The following DIS3L2 variants were observed in gnomAD, a reference collection of about 807,000 sequenced individuals.
DIS3L2 encodes the protein DIS3 like 3'-5' exoribonuclease 2, also known as DIS3-like exonuclease 2.
A neutral mutation model predicts 97.5 loss-of-function variants in DIS3L2; 34 were observed. The observed-to-expected ratio is 0.35, with a 90% confidence interval of 0.27 to 0.46. The LOEUF (loss-of-function observed/expected upper bound fraction) is 0.46. Among genes scored for constraint, DIS3L2 ranks in the 20% least tolerant of loss-of-function variants. DIS3L2 has a pLI of 1.00. For missense variants in DIS3L2, 1,038 were observed against 1,146.0 expected, an observed-to-expected ratio of 0.91 and a Z score of 1.36; for synonymous variants, 435 against 445.2, an observed-to-expected ratio of 0.98 and a Z score of 0.29.
Position 232,292,471 on chromosome 2 carries a change from A to G in DIS3L2, c.1660-7569A>G, listed in dbSNP as rs1694628604. 6.6e-6 allele frequency among the ~76,000 whole-genome samples: 1 copy of G among 152,198 alleles called. No homozygotes were observed. Among genetic ancestry groups the G allele is most frequent in the Non-Finnish European group, 1.5e-5 (1 of 68,030 alleles). ...GCCTCTCAAAGGCCCAACAACCCCA[A>G]CAGGGCCTGCATCCCATGTTCCCAC... On this transcript the variant is annotated intron_variant, in intron 13 of 20. Transcript: ENST00000325385. This position sits in a 1 kb window ranked among gnomAD's most constrained non-coding sequence, Gnocchi z 4.4.
chr2:232,003,029 A>G (rs1440586382), intron 1 of DIS3L2, among the ~76,000 whole-genome samples: 1 of 152,190 alleles, frequency 6.6e-6, no homozygotes, highest in Non-Finnish European at 1.5e-5. Flanking sequence ...TCATCAGGTT[A>G]TGGTCAAATT....
At chr2:232,002,106 C>G (rs569640436) in intron 1 of DIS3L2, among the ~76,000 whole-genome samples, 1 of 152,278 alleles carries the variant, frequency 6.6e-6, no homozygotes, top group Non-Finnish European at 1.5e-5. Flanking sequence ...ATCCGGTTCT[C>G]TCGGTACCAT....
chr2:232,319,164 T>G (rs1487598754), intron 14 of DIS3L2, among the ~76,000 whole-genome samples: 1 of 151,910 alleles, frequency 6.6e-6, no homozygotes. Context: ...CAAGACACTG[T>G]GGTGGTTGAG....
chr2:232,047,875 T>C (rs1482282503), intron 5 of DIS3L2, among the ~76,000 whole-genome samples: 1 of 152,232 alleles, frequency 6.6e-6, no homozygotes, highest in Non-Finnish European at 1.5e-5. Context: ...TTCAGAGTTC[T>C]TCCACGTTGT....
intron 5 of DIS3L2, among the ~76,000 whole-genome samples, chr2:232,086,333 G>C (rs1374905555): frequency 7.0e-6 from 1 of 143,450 alleles, no homozygotes; most frequent in Non-Finnish European, 1.5e-5. Context: ...ATATGCATAT[G>C]TATATATACA....
At chr2:232,030,815 A>G (rs1166585564) in intron 5 of DIS3L2, among the ~76,000 whole-genome samples, 1 of 152,010 alleles carries the variant, frequency 6.6e-6, no homozygotes, top group African/African-American at 2.4e-5. Flanking sequence ...TTTTTGTTTT[A>G]TTTATTTGAA....
At chr2:232,008,032 G>T (rs1001797645) in intron 1 of DIS3L2, among the ~76,000 whole-genome samples, 2 of 151,632 alleles carry the variant, frequency 1.3e-5, no homozygotes, top group Non-Finnish European at 2.9e-5. Flanking sequence ...TTGGAGACAG[G>T]GTCTCACTCT....
chr2:232,056,368 AC>A, intron 5 of DIS3L2, among the ~76,000 whole-genome samples: 1 of 7,338 alleles, frequency 1.4e-4, no homozygotes, highest in Admixed American at 3.8e-3. Flanking sequence ...CCATCTCAAA[AC>A]AACAACAACA....
At chr2:232,236,444 G>C (rs1183358186) in intron 10 of DIS3L2, among the ~76,000 whole-genome samples, 3 of 152,186 alleles carry the variant, frequency 2.0e-5, no homozygotes, top group African/African-American at 2.4e-5. Context: ...AAGTCCACAG[G>C]TAGACTAGTT....
At chr2:232,294,916 C>T (rs535327719) in intron 13 of DIS3L2, among the ~76,000 whole-genome samples, 1 of 152,102 alleles carries the variant, frequency 6.6e-6, no homozygotes, top group Non-Finnish European at 1.5e-5. Context: ...GTCACCCAGC[C>T]GCTTCCTTCT....
At chr2:232,066,305 C>T (rs1235288263) in intron 5 of DIS3L2, among the ~76,000 whole-genome samples, 1 of 151,824 alleles carries the variant, frequency 6.6e-6, no homozygotes, top group Non-Finnish European at 1.5e-5. Flanking sequence ...GAGGAAATAT[C>T]CTTATAGTCT....
At chr2:232,087,851 C>A in intron 6 of DIS3L2, 130 bp downstream of exon 6, 1 of 709,796 alleles carries the variant, frequency 1.4e-6, no homozygotes, top group Non-Finnish European at 2.3e-6. Context: ...TGGCAGCTTT[C>A]AGAAAAGGGG....
intron 8 of DIS3L2, among the ~76,000 whole-genome samples, chr2:232,141,856 A>G (rs1004975130): frequency 2.0e-5 from 3 of 152,322 alleles, no homozygotes; most frequent in Admixed American, 1.3e-4. Context: ...TCAGTTTCTT[A>G]CAGGGTAGAT....
intron 1 of DIS3L2, among the ~76,000 whole-genome samples, chr2:232,000,668 C>CCTT (rs1388847659): frequency 1.8e-4 from 19 of 106,094 alleles, no homozygotes; most frequent in African/African-American, 4.3e-4. Context: ...CTTTCTCTTT[C>CCTT]TCTCTTTCTC....
chr2:232,089,303 C>T (rs1028241818), intron 6 of DIS3L2, among the ~76,000 whole-genome samples: 1 of 152,230 alleles, frequency 6.6e-6, no homozygotes, highest in African/African-American at 2.4e-5. Flanking sequence ...GTATCACTGC[C>T]TTCAGGGTAC....
At position 232,268,412 on chromosome 2, in the gene DIS3L2, G is replaced by A. The variant is rs1179078311; in HGVS notation, c.1659+4972G>A. 6.6e-6 allele frequency among the ~76,000 whole-genome samples: 1 copy of A among 152,116 alleles called. No homozygotes were observed. The highest frequency in any genetic ancestry group is 1.5e-5 in the Non-Finnish European group (1 of 68,028). On this transcript the variant is annotated intron_variant, in intron 13 of 20. Coordinates refer to ENST00000325385, the MANE Select transcript of DIS3L2 (RefSeq NM_152383.5). The surrounding 1 kb of genome is among the most constrained non-coding windows in gnomAD (Gnocchi z 4.1). Reference sequence around the variant, plus strand: ...ATGCTGTTATGTATGACCTTGACCTGTTCCAGCCTTTAAGGCAGGGATTGA... The same window carrying A: ...ATGCTGTTATGTATGACCTTGACCTATTCCAGCCTTTAAGGCAGGGATTGA...
At chr2:232,051,879 C>G (rs964902952) in intron 5 of DIS3L2, among the ~76,000 whole-genome samples, 3 of 139,686 alleles carry the variant, frequency 2.1e-5, no homozygotes, top group Non-Finnish European at 3.1e-5. Context: ...AGCAATGAAT[C>G]AAGTCAGCTC....
At chr2:232,333,760 A>G in intron 16 of DIS3L2, 80 bp from the exon 17 acceptor site, 1 of 1,417,440 alleles carries the variant, frequency 7.1e-7, no homozygotes. Context: ...GCCGACGGTG[A>G]GGCTGTGGGT....
intron 3 of DIS3L2, among the ~76,000 whole-genome samples, chr2:232,020,953 C>A (rs936003808): frequency 6.6e-6 from 1 of 152,026 alleles, no homozygotes; most frequent in African/African-American, 2.4e-5. Context: ...TTTGGAGAAC[C>A]CTGTCCAAAG....
Sources: gnomAD v4.1 joint callset for allele counts (sites outside exome capture counted in the v4.1 genomes callset) on GRCh38, gnomAD v4.1.1 for gene constraint, Gnocchi (gnomAD v3.1) non-coding constraint, MANE v1.5 for transcripts, NCBI Gene and HGNC (gene_info 2026-07-23, HGNC 2026-07-21) for gene names.